Variants in PPP3CC observed in about 807,000 individuals in gnomAD.
PPP3CC encodes protein phosphatase 3 catalytic subunit gamma, also known as serine/threonine-protein phosphatase 2B catalytic subunit gamma isoform.
A neutral mutation model predicts 60.3 loss-of-function variants in PPP3CC; 35 were observed. That is an observed-to-expected ratio of 0.58 (90% CI 0.44 to 0.77). The LOEUF is 0.77. PPP3CC is among the 30% of genes least tolerant of loss of function. PPP3CC has a pLI of 0.00. For synonymous variants in PPP3CC, 206 were observed against 224.3 expected, an observed-to-expected ratio of 0.92 and a Z score of 0.73; for missense variants, 570 against 628.9, an observed-to-expected ratio of 0.91 and a Z score of 1.00.
rs371202432 is a variant in PPP3CC at position 22,461,292 on chromosome 8, A to G, written c.50-13662A>G. ...TAATAAAAGTTTGTTTACATTAGAT[A>G]TGAAGCTAATTACCACCCCTAACTG... On this transcript the variant is annotated intron_variant, in intron 1 of 13. Coordinates refer to ENST00000240139, the MANE Select transcript of PPP3CC (RefSeq NM_005605.5). 6.6e-5 allele frequency among the ~76,000 whole-genome samples: 10 copies of G among 152,336 alleles called. No homozygotes were observed. In the East Asian group the frequency reaches 1.2e-3, roughly 18 times the overall value.
At chr8:22,529,181 CTTGA>C (rs1365140361) in intron 10 of PPP3CC, among the ~76,000 whole-genome samples, 2 of 152,130 alleles carry the variant, frequency 1.3e-5, no homozygotes, top group African/African-American at 4.8e-5. Flanking sequence ...AATAACACTT[CTTGA>C]TTATTTCCAT....
chr8:22,484,878 TAAG>T lies in PPP3CC; in HGVS notation c.372+9256_372+9258del, dbSNP rs954489339. 1.9e-4 allele frequency among the ~76,000 whole-genome samples: 29 copies of T among 152,244 alleles called. 1 individual carries two copies. The highest frequency in any genetic ancestry group is 7.0e-4 in the African/African-American group (29 of 41,542). On this transcript the variant is annotated intron_variant, in intron 3 of 13. Transcript: ENST00000240139. ...TTTGAAGAAAGAGTTTAGAAAAAGA[TAAG>T]AGGAGGCAGAGCGGGAGGGGAAAGC...
At chr8:22,539,734 T>G (rs1839919028) in intron 13 of PPP3CC, among the ~76,000 whole-genome samples, 1 of 152,222 alleles carries the variant, frequency 6.6e-6, no homozygotes, top group South Asian at 2.1e-4. Flanking sequence ...TCTATCAGCT[T>G]TAATGCAACG....
At chr8:22,443,814 A>G (rs1016779958) in intron 1 of PPP3CC, among the ~76,000 whole-genome samples, 4 of 152,252 alleles carry the variant, frequency 2.6e-5, no homozygotes, top group Non-Finnish European at 5.9e-5. Context: ...AGAGTTTGAA[A>G]TAGTTGAAGA....
chr8:22,483,866 A>C (rs1395548348), intron 3 of PPP3CC, among the ~76,000 whole-genome samples: 1 of 152,156 alleles, frequency 6.6e-6, no homozygotes, highest in Non-Finnish European at 1.5e-5. Context: ...TAAGAGACAG[A>C]GTCTTGCTCT....
At chr8:22,470,088 A>G (rs1217215629) in intron 1 of PPP3CC, among the ~76,000 whole-genome samples, 1 of 150,590 alleles carries the variant, frequency 6.6e-6, no homozygotes, top group Non-Finnish European at 1.5e-5. Flanking sequence ...ACACACACAT[A>G]CATATATATA....
intron 10 of PPP3CC, 45 bp from the exon 11 acceptor site, chr8:22,532,180 T>C (rs766853892): frequency 2.8e-6 from 4 of 1,428,168 alleles, no homozygotes; most frequent in Non-Finnish European, 3.9e-6. Context: ...AAAGGCAGCC[T>C]ATTAACACAT....
rs1435138584 is a variant in PPP3CC at position 22,497,917 on chromosome 8, C to T, written c.373-84C>T. On this transcript the variant is annotated intron_variant, in intron 3 of 13. Transcript: ENST00000240139. ...GGAGTAACAATGAGATATGCCATTACAGCAAGTCATTTGAATTATATAAAT... is the reference window on the plus strand; with the variant it reads ...GGAGTAACAATGAGATATGCCATTATAGCAAGTCATTTGAATTATATAAAT... 5.9e-6 allele frequency: 5 copies of T among 844,988 alleles called. No homozygotes were observed. The African/African-American group carries it at 8.7e-5, about 15-fold the overall frequency. The allele number at this position is 844,988 out of a possible 1,614,324, so 52.3% of individuals were successfully genotyped here.
chr8:22,453,059 A>G (rs1450539469), intron 1 of PPP3CC, among the ~76,000 whole-genome samples: 1 of 152,232 alleles, frequency 6.6e-6, no homozygotes, highest in Admixed American at 6.5e-5. Context: ...GAAAGAGTAC[A>G]GACTCTGCTG....
At chr8:22,525,504 T>C (rs1839523158) in intron 8 of PPP3CC, among the ~76,000 whole-genome samples, 1 of 88,520 alleles carries the variant, frequency 1.1e-5, no homozygotes, top group Non-Finnish European at 2.3e-5. Flanking sequence ...CTTTCTTTCT[T>C]TCTTTCTTTC....
intron 1 of PPP3CC, among the ~76,000 whole-genome samples, chr8:22,443,628 A>G (rs942459347): frequency 6.6e-6 from 1 of 152,192 alleles, no homozygotes; most frequent in African/African-American, 2.4e-5. Flanking sequence ...TCTTTACCAA[A>G]ATTAATTACC....
At chr8:22,449,016 G>C (rs371547057) in intron 1 of PPP3CC, among the ~76,000 whole-genome samples, 1 of 152,196 alleles carries the variant, frequency 6.6e-6, no homozygotes, top group South Asian at 2.1e-4. Context: ...AGGCTGAAGC[G>C]GGAGGATTGC....
chr8:22,493,554 A>G (rs1487318199), intron 3 of PPP3CC, among the ~76,000 whole-genome samples: 1 of 152,006 alleles, frequency 6.6e-6, no homozygotes. Flanking sequence ...TTACTTTTAA[A>G]ATTTTTTGGT....
At chr8:22,478,445 C>T (rs1438726005) in intron 3 of PPP3CC, among the ~76,000 whole-genome samples, 1 of 152,150 alleles carries the variant, frequency 6.6e-6, no homozygotes, top group African/African-American at 2.4e-5. Context: ...CCACCGCGCC[C>T]AGCCTAAAAC....
At chr8:22,501,458 T>TG (rs1408499042) in intron 4 of PPP3CC, among the ~76,000 whole-genome samples, 2 of 152,214 alleles carry the variant, frequency 1.3e-5, no homozygotes, top group African/African-American at 4.8e-5. Flanking sequence ...AGTTCTCATC[T>TG]GGGGCTTAGG....
chr8:22,516,939 T>A (rs1162410099), intron 6 of PPP3CC, among the ~76,000 whole-genome samples: 1 of 152,130 alleles, frequency 6.6e-6, no homozygotes, highest in Non-Finnish European at 1.5e-5. Context: ...ATCAACAGTG[T>A]AAATGACCTA....
At chr8:22,490,659 G>A (rs1463640771) in intron 3 of PPP3CC, among the ~76,000 whole-genome samples, 1 of 138,742 alleles carries the variant, frequency 7.2e-6, no homozygotes, top group Non-Finnish European at 1.5e-5. Context: ...GTGTCCAAGT[G>A]TTCTCATTGT....
chr8:22,486,722 TTTTTG>T (rs1838234326), intron 3 of PPP3CC, among the ~76,000 whole-genome samples: 1 of 150,884 alleles, frequency 6.6e-6, no homozygotes, highest in African/African-American at 2.5e-5. Flanking sequence ...CTTGATGTGT[TTTTTG>T]TTTTGTTTTT....
At chr8:22,441,534 G>A (rs1836670904) in intron 1 of PPP3CC, 76 bp downstream of exon 1, 4 of 1,436,474 alleles carry the variant, frequency 2.8e-6, no homozygotes, top group Non-Finnish European at 3.7e-6. Flanking sequence ...GGGGCGGAGG[G>A]AGGCTGGGGC....
Sources: gnomAD v4.1 joint callset for allele counts (sites outside exome capture counted in the v4.1 genomes callset) on GRCh38, gnomAD v4.1.1 for gene constraint, MANE v1.5 for transcripts, NCBI Gene and HGNC (gene_info 2026-07-23, HGNC 2026-07-21) for gene names.